STARD7: variants seen among roughly 807,000 people sequenced by gnomAD.
The protein encoded by STARD7 is StAR related lipid transfer domain containing 7, also known as stAR-related lipid transfer protein 7, mitochondrial.
A neutral mutation model predicts 45.3 loss-of-function variants in STARD7; 30 were observed. That is an observed-to-expected ratio of 0.66 (90% CI 0.50 to 0.90). The LOEUF (loss-of-function observed/expected upper bound fraction) is 0.90, where lower values mean the gene tolerates loss of function less well. Among genes scored for constraint, STARD7 ranks in the 40% least tolerant of loss-of-function variants. The pLI is 0.00. For missense variants in STARD7, 495 were observed against 491.3 expected (o/e 1.01, Z -0.07); for synonymous variants, 199 against 183.0 (o/e 1.09, Z -0.70).
chr2:96,187,296 G>A lies in STARD7; in HGVS notation c.849C>T (p.Gly283=). 1.9e-6 allele frequency: 3 copies of A among 1,612,512 alleles called. No homozygotes were observed. The highest frequency in any genetic ancestry group is 2.5e-6 in the Non-Finnish European group (3 of 1,178,610). ...CACTGTATGTTAGTAAGTAGTCAAA[G>A]CCATTCTGGAAAAGAAAAACAGCAA... ...IRPHKSFDEN[G]FDYLLTYSDN... is the part of the protein sequence containing the mutation. Residue 283 remains glycine, a synonymous_variant, in exon 7 of 8, where the codon GGC becomes GGT. Coordinates refer to ENST00000337288, the MANE Select transcript of STARD7 (RefSeq NM_020151.4).
At chr2:96,194,693 CAT>C (rs1290581112) in intron 3 of STARD7, among the ~76,000 whole-genome samples, 1 of 152,180 alleles carries the variant, frequency 6.6e-6, no homozygotes, top group Non-Finnish European at 1.5e-5. Context: ...AATAAAGCCT[CAT>C]AAAATACATT....
intron 6 of STARD7, 89 bp from the exon 7 acceptor site, chr2:96,187,390 T>C: frequency 1.2e-6 from 1 of 826,314 alleles, no homozygotes; most frequent in Non-Finnish European, 2.0e-6. Flanking sequence ...ATGATCTGAT[T>C]CTGGAGCAGG....
chr2:96,206,800 CA>C lies in STARD7; in HGVS notation c.290+1344del, dbSNP rs61417989. Among the ~76,000 whole-genome samples the C allele has an allele frequency of 2.9e-3, 143 of 49,492 alleles. 1 individual carries two copies. The highest frequency in any genetic ancestry group is 8.1e-3 in the Middle Eastern group (1 of 124). The allele number at this position is 49,492 out of a possible 152,430, so 32.5% of individuals were successfully genotyped here. On this transcript the variant is annotated intron_variant, in intron 1 of 7. Transcript: ENST00000337288. ...TGGGCGACAGAGCGAGACTCCGTCT[CA>C]AAAAAAAAAAAAAAAAAAAAAAAGT...
In STARD7 at chr2:96,208,445, G is replaced by C; in HGVS notation, c.-11C>G. 7.3e-7 allele frequency: 1 copy of C among 1,360,644 alleles called. No homozygotes were observed. The highest frequency in any genetic ancestry group is 1.5e-5 in the African/African-American group (1 of 65,262). 84.3% of individuals were successfully genotyped at this position (1,360,644 alleles called of 1,614,324 possible). On this transcript the variant is annotated 5_prime_UTR_variant, in exon 1 of 8. Coordinates refer to ENST00000337288, the MANE Select transcript of STARD7 (RefSeq NM_020151.4). ...CCTCCGCGGGAGCATGCCGCCTCCC[G>C]CAGGGCCCGCCGCGAGCTTCCGGGG...
intron 6 of STARD7, among the ~76,000 whole-genome samples, chr2:96,190,734 T>C (rs1037191181): frequency 4.6e-5 from 7 of 152,042 alleles, no homozygotes; most frequent in Admixed American, 4.6e-4. Context: ...CTTGACCTCC[T>C]GGACTCAAGT....
chr2:96,202,124 G>A (rs891795451), intron 1 of STARD7, among the ~76,000 whole-genome samples: 1 of 152,110 alleles, frequency 6.6e-6, no homozygotes, highest in Non-Finnish European at 1.5e-5. Context: ...ACCCAAATAG[G>A]TGAATGCAGC....
intron 1 of STARD7, among the ~76,000 whole-genome samples, chr2:96,197,070 A>AAACTAAACTGAAC (rs1573943516): frequency 1.0e-5 from 1 of 96,396 alleles, no homozygotes; most frequent in South Asian, 3.2e-4. Flanking sequence ...CCGTCTCAAA[A>AAACTAAACTGAAC]TAAAATAAAA....
chr2:96,187,199 A>G lies in STARD7; in HGVS notation c.928+18T>C. 1 of 1,591,016 alleles carries G rather than the reference A, an allele frequency of 6.3e-7. No homozygotes were observed. Among genetic ancestry groups the G allele is most frequent in the Non-Finnish European group, 8.6e-7 (1 of 1,159,366 alleles). On this transcript the variant is annotated intron_variant, in intron 7 of 7. Coordinates refer to ENST00000337288, the MANE Select transcript of STARD7 (RefSeq NM_020151.4). ...GCTCAACCCAGGTTCCAGGCCCTGT[A>G]TACTTGCCCTTACTTACCACTGGAA...
chr2:96,192,525 G>A lies in STARD7; in HGVS notation c.744-57C>T, dbSNP rs1683141100. 2.2e-6 allele frequency: 3 copies of A among 1,354,284 alleles called. No homozygotes were observed. In the East Asian group the frequency reaches 6.9e-5, roughly 31 times the overall value. The allele number at this position is 1,354,284 out of a possible 1,614,324, so 83.9% of individuals were successfully genotyped here. On this transcript the variant is annotated intron_variant, in intron 5 of 7. Coordinates refer to ENST00000337288, the MANE Select transcript of STARD7 (RefSeq NM_020151.4). Reference sequence around the variant, plus strand: ...AGTAATGTCTATATATAAAACAACAGGAGAGCTAAGTTAAGGGGAAGGCCT... The same window carrying A: ...AGTAATGTCTATATATAAAACAACAAGAGAGCTAAGTTAAGGGGAAGGCCT...
intron 6 of STARD7, among the ~76,000 whole-genome samples, chr2:96,191,662 G>GC (rs1683127645): frequency 6.9e-6 from 1 of 144,556 alleles, no homozygotes; most frequent in Non-Finnish European, 1.5e-5. Context: ...TTTTTTTTTT[G>GC]TTTTTTTTTA....
Position 96,186,909 on chromosome 2 carries a change from G to A in STARD7, c.934C>T (p.Pro312Ser). ...CVSWMVSSGM[P>S]DFLEKLHMAT... ...ATGTGCAGCTTCTCCAGGAAATCTG[G>A]CATGCCTGTCAGGAGACGAGAATCA... The change falls in exon 8 of 8, where the codon CCA becomes TCA. Residue 312 changes from proline to serine, a missense_variant. Coordinates refer to ENST00000337288, the MANE Select transcript of STARD7 (RefSeq NM_020151.4). 6.2e-7 allele frequency: 1 copy of A among 1,612,162 alleles called. No individual in the cohort carries two copies. The highest frequency in any genetic ancestry group is 8.5e-7 in the Non-Finnish European group (1 of 1,178,950).
intron 1 of STARD7, among the ~76,000 whole-genome samples, chr2:96,205,979 GA>G (rs1683381976): frequency 6.6e-6 from 1 of 152,176 alleles, no homozygotes; most frequent in African/African-American, 2.4e-5. Flanking sequence ...AGTGCAGCTT[GA>G]AAGTGTTCTG....
chr2:96,197,521 G>A (rs950659623), intron 1 of STARD7, among the ~76,000 whole-genome samples: 1 of 152,150 alleles, frequency 6.6e-6, no homozygotes, highest in Non-Finnish European at 1.5e-5. Flanking sequence ...TCTTTTGTCC[G>A]TTTTTTATTG....
At chr2:96,206,607 T>C (rs958327037) in intron 1 of STARD7, among the ~76,000 whole-genome samples, 2 of 151,900 alleles carry the variant, frequency 1.3e-5, no homozygotes, top group Non-Finnish European at 2.9e-5. Context: ...GAGACCATCC[T>C]GGCTAACACG....
chr2:96,187,325 T>C (rs1319409830), intron 6 of STARD7, 24 bp from the exon 7 acceptor site: 1 of 1,467,528 alleles, frequency 6.8e-7, no homozygotes, highest in Non-Finnish European at 9.6e-7. Flanking sequence ...ACAGCAAAAA[T>C]GAAGATCCCT....
chr2:96,198,396 G>GTAGA (rs1346666725), intron 1 of STARD7, among the ~76,000 whole-genome samples: 1 of 152,034 alleles, frequency 6.6e-6, no homozygotes, highest in Non-Finnish European at 1.5e-5. Flanking sequence ...ATTCTCTTGG[G>GTAGA]TAGATTCCTA....
intron 1 of STARD7, 130 bp from the exon 2 acceptor site, chr2:96,195,679 T>C: frequency 3.1e-6 from 2 of 649,002 alleles, no homozygotes; most frequent in Non-Finnish European, 5.3e-6. Flanking sequence ...GGACACAGTA[T>C]AGTCAATAAA....
intron 6 of STARD7, among the ~76,000 whole-genome samples, chr2:96,191,495 C>T (rs559063158): frequency 6.6e-6 from 1 of 152,178 alleles, no homozygotes. Context: ...CCTCTGTACA[C>T]AGTCAATGCA....
chr2:96,187,039 C>A lies in STARD7; in HGVS notation c.929-125G>T, dbSNP rs909799219. The A allele has an allele frequency of 8.1e-6, 8 of 992,960 alleles. No individual in the cohort carries two copies. The African/African-American group carries it at 8.2e-5, about 10-fold the overall frequency. 61.5% of individuals were successfully genotyped at this position (992,960 alleles called of 1,614,324 possible). ...CTTATAAAGATCACAACCTGACTAGCCTGTGAATAAGAGCTGCCTCCCGGA... is the reference window on the plus strand; with the variant it reads ...CTTATAAAGATCACAACCTGACTAGACTGTGAATAAGAGCTGCCTCCCGGA... On this transcript the variant is annotated intron_variant, in intron 7 of 7. Transcript: ENST00000337288.
Sources: gnomAD v4.1 joint callset for allele counts (sites outside exome capture counted in the v4.1 genomes callset) on GRCh38, gnomAD v4.1.1 for gene constraint, MANE v1.5 for transcripts, NCBI Gene and HGNC (gene_info 2026-07-23, HGNC 2026-07-21) for gene names.